KCNMA1: variants seen among roughly 807,000 people sequenced by gnomAD.
KCNMA1 encodes the protein Calcium-activated potassium channel subunit alpha-1.
A neutral mutation model predicts 140.0 loss-of-function variants in KCNMA1; 29 were observed. The observed-to-expected ratio is 0.21, with a 90% CI of 0.15 to 0.28. The LOEUF (loss-of-function observed/expected upper bound fraction) is 0.28, where lower values mean the gene tolerates loss of function less well. Among genes scored for constraint, KCNMA1 ranks in the 10% least tolerant of loss-of-function variants. KCNMA1 has a pLI of 1.00. For missense variants in KCNMA1, 880 were observed against 1,602.2 expected (o/e 0.55, Z 7.70); for synonymous variants, 612 against 611.9 (o/e 1.00, Z 0.00).
At chr10:77,066,622 C>G (rs1023097464) in intron 14 of KCNMA1, among the ~76,000 whole-genome samples, 2 of 152,080 alleles carry the variant, frequency 1.3e-5, no homozygotes, top group Non-Finnish European at 2.9e-5. Flanking sequence ...ATCTATGTAT[C>G]TAAAAGCAAT....
At chr10:77,425,023 C>A (rs1039627193) in intron 1 of KCNMA1, among the ~76,000 whole-genome samples, 3 of 152,088 alleles carry the variant, frequency 2.0e-5, no homozygotes, top group African/African-American at 7.2e-5. Context: ...GGGCAGGCAC[C>A]TGGGAGGTAT....
chr10:77,143,061 T>C (rs558018214), intron 5 of KCNMA1, among the ~76,000 whole-genome samples: 3 of 152,206 alleles, frequency 2.0e-5, no homozygotes, highest in Non-Finnish European at 4.4e-5. Context: ...AGAACCCAAC[T>C]TGATTTATAA....
At chr10:77,388,257 G>A (rs1451371996) in intron 2 of KCNMA1, among the ~76,000 whole-genome samples, 1 of 152,164 alleles carries the variant, frequency 6.6e-6, no homozygotes, top group African/African-American at 2.4e-5. Flanking sequence ...CTCCACATCT[G>A]AAGCTCTGAA....
chr10:77,429,280 G>A (rs2097096582), intron 1 of KCNMA1, among the ~76,000 whole-genome samples: 1 of 152,194 alleles, frequency 6.6e-6, no homozygotes, highest in African/African-American at 2.4e-5. Context: ...CTCAACCTCA[G>A]CACAATTGTC....
At chr10:77,561,237 T>C (rs1013346984) in intron 1 of KCNMA1, among the ~76,000 whole-genome samples, 1 of 152,286 alleles carries the variant, frequency 6.6e-6, no homozygotes, top group African/African-American at 2.4e-5. Flanking sequence ...CTGGATGGTA[T>C]AGTAGTTATC....
At position 76,887,410 on chromosome 10, in the gene KCNMA1, C is replaced by G. The variant is rs1200106345; in HGVS notation, c.3567G>C (p.Leu1189=). 1 of 1,614,126 alleles carries G rather than the reference C, an allele frequency of 6.2e-7. No homozygotes were observed. Among genetic ancestry groups the G allele is most frequent in the Non-Finnish European group, 8.5e-7 (1 of 1,180,028 alleles). ...DHNAGQSRAS[L]SHSSHSSQSS... The stretch of plus-strand genomic sequence containing the variant: ...ACTGCGACGAGTGGGAGGAATGGGA[C>G]AGGCTGGCCCGGGACTGGCCGGCAT... The change falls in exon 28 of 28, where the codon CTG becomes CTC. Residue 1189 remains leucine, a synonymous_variant. Transcript: ENST00000286628.
At chr10:77,277,684 C>A (rs139244198) in intron 2 of KCNMA1, among the ~76,000 whole-genome samples, 1 of 152,328 alleles carries the variant, frequency 6.6e-6, no homozygotes, top group Non-Finnish European at 1.5e-5. Flanking sequence ...AAAGTCGATG[C>A]AACAGATCAC....
chr10:77,085,107 T>C (rs965507601), intron 11 of KCNMA1, among the ~76,000 whole-genome samples: 2 of 152,214 alleles, frequency 1.3e-5, no homozygotes, highest in Non-Finnish European at 2.9e-5. Flanking sequence ...GTGGGTGGGT[T>C]AAATCCCTTC....
intron 5 of KCNMA1, among the ~76,000 whole-genome samples, chr10:77,162,032 C>T (rs1386973173): frequency 6.6e-6 from 1 of 152,048 alleles, no homozygotes; most frequent in Non-Finnish European, 1.5e-5. Flanking sequence ...CTTCCTTTGC[C>T]TTTTTTTCCT....
intron 3 of KCNMA1, among the ~76,000 whole-genome samples, chr10:77,228,431 A>G (rs567798447): frequency 3.9e-5 from 6 of 152,264 alleles, no homozygotes; most frequent in East Asian, 3.9e-4. Flanking sequence ...TACATGATCG[A>G]GAAGAGCACT....
chr10:77,254,283 G>A (rs548832917), intron 2 of KCNMA1, among the ~76,000 whole-genome samples: 4 of 149,916 alleles, frequency 2.7e-5, no homozygotes, highest in East Asian at 4.0e-4. Flanking sequence ...GTGCAGTGGC[G>A]CGATCTCAGT....
chr10:77,250,217 T>C (rs1248237261), intron 3 of KCNMA1: 1 of 152,184 alleles, frequency 6.6e-6, no homozygotes, highest in Non-Finnish European at 1.5e-5. Flanking sequence ...GCAGGTTTCC[T>C]AGTATCAAAG....
intron 3 of KCNMA1, among the ~76,000 whole-genome samples, chr10:77,244,886 G>A (rs1450876981): frequency 5.3e-5 from 8 of 152,200 alleles, no homozygotes; most frequent in Middle Eastern, 3.4e-3. Context: ...GAGTGGGCTC[G>A]GCTCCTCTAC....
intron 14 of KCNMA1, among the ~76,000 whole-genome samples, chr10:77,052,231 G>A (rs1252233458): frequency 6.6e-6 from 1 of 152,186 alleles, no homozygotes; most frequent in Non-Finnish European, 1.5e-5. Context: ...CCAAAAGACA[G>A]CAATATTCTC....
At chr10:77,201,793 A>T (rs1484604965) in intron 3 of KCNMA1, among the ~76,000 whole-genome samples, 1 of 151,570 alleles carries the variant, frequency 6.6e-6, no homozygotes, top group African/African-American at 2.4e-5. Flanking sequence ...AAACAAATTT[A>T]TGTGGGATAA....
chr10:77,226,244 T>G (rs1565340948), intron 3 of KCNMA1, among the ~76,000 whole-genome samples: 1 of 152,126 alleles, frequency 6.6e-6, no homozygotes, highest in East Asian at 1.9e-4. Context: ...TGTAGGTACA[T>G]ATTGCTGTTC....
intron 7 of KCNMA1, among the ~76,000 whole-genome samples, chr10:77,111,761 G>A (rs1453066737): frequency 6.6e-6 from 1 of 152,160 alleles, no homozygotes; most frequent in Non-Finnish European, 1.5e-5. Context: ...CCTTCCAGTT[G>A]TAACAGTCTA....
intron 5 of KCNMA1, among the ~76,000 whole-genome samples, chr10:77,141,443 T>C (rs766565109): frequency 2.0e-4 from 30 of 152,242 alleles, no homozygotes; most frequent in Middle Eastern, 3.4e-3. Flanking sequence ...TTAGTGCCAT[T>C]ATAAGAAGAG....
chr10:77,319,298 GC>G (rs2081696335), intron 2 of KCNMA1, among the ~76,000 whole-genome samples: 1 of 152,036 alleles, frequency 6.6e-6, no homozygotes, highest in Non-Finnish European at 1.5e-5. Flanking sequence ...CCAGATACAA[GC>G]AAAAAGGAAC....
Sources: gnomAD v4.1 joint callset for allele counts (sites outside exome capture counted in the v4.1 genomes callset) on GRCh38, gnomAD v4.1.1 for gene constraint, MANE v1.5 for transcripts, NCBI Gene and HGNC (gene_info 2026-07-23, HGNC 2026-07-21) for gene names.